Variants in AHI1 observed in about 807,000 individuals in gnomAD.
AHI1 encodes jouberin.
Under a neutral mutation model 149.3 loss-of-function variants are expected in AHI1, and 123 were observed. The ratio of observed to expected loss-of-function variants is 0.82; its 90% CI spans 0.71 to 0.96. AHI1 has a LOEUF of 0.96. Ranked by LOEUF, AHI1 falls within the 40% of genes least tolerant of loss-of-function variation. The pLI is 0.00. For synonymous variants in AHI1, 475 were observed against 459.8 expected, an observed-to-expected ratio of 1.03 and a Z score of -0.42; for missense variants, 1,439 against 1,422.7, an observed-to-expected ratio of 1.01 and a Z score of -0.18.
chr6:135,330,546 C>T (rs1788408204), intron 24 of AHI1, among the ~76,000 whole-genome samples: 1 of 152,150 alleles, frequency 6.6e-6, no homozygotes, highest in African/African-American at 2.4e-5. Flanking sequence ...CTGAGAAACC[C>T]CCAAATTTGT....
chr6:135,390,219 C>T (rs1038663200), intron 23 of AHI1, among the ~76,000 whole-genome samples: 4 of 152,042 alleles, frequency 2.6e-5, no homozygotes. Flanking sequence ...TGTACAGAGC[C>T]TGTTGTTTGG....
At chr6:135,453,725 T>C (rs976728641) in intron 10 of AHI1, among the ~76,000 whole-genome samples, 5 of 152,136 alleles carry the variant, frequency 3.3e-5, no homozygotes, top group Admixed American at 2.0e-4. Context: ...ATAATAGGCA[T>C]AGAATTCTTA....
chr6:135,478,801 C>T lies in AHI1; in HGVS notation c.136-11167G>A, dbSNP rs150999135. On this transcript the variant is annotated intron_variant, in intron 5 of 28. Transcript: ENST00000265602. ...CCACAGCAGCCCTTCCTATCACAGGCCTGGAAGCCTAGGAGGAAAAAATGG... is the reference window on the plus strand; with the variant it reads ...CCACAGCAGCCCTTCCTATCACAGGTCTGGAAGCCTAGGAGGAAAAAATGG... Among the ~76,000 whole-genome samples the T allele has an allele frequency of 3.1e-3, 476 of 152,348 alleles. 3 individuals carry two copies. Among genetic ancestry groups the T allele is most frequent in the African/African-American group, 0.011 (437 of 41,578 alleles).
intron 24 of AHI1, among the ~76,000 whole-genome samples, chr6:135,336,761 T>G (rs1230247061): frequency 6.6e-6 from 1 of 152,228 alleles, no homozygotes; most frequent in Admixed American, 6.5e-5. Context: ...ACTGTTACTA[T>G]TAATCATCTG....
intron 23 of AHI1, among the ~76,000 whole-genome samples, chr6:135,363,724 G>C (rs1388605895): frequency 6.8e-6 from 1 of 146,928 alleles, no homozygotes; most frequent in African/African-American, 2.5e-5. Flanking sequence ...GCCGGGCAGA[G>C]GCGCCCCTCA....
intron 8 of AHI1, among the ~76,000 whole-genome samples, chr6:135,462,049 C>T (rs545881319): frequency 1.3e-5 from 2 of 152,014 alleles, no homozygotes; most frequent in Non-Finnish European, 2.9e-5. Flanking sequence ...TATGAGTATA[C>T]TGCTTAGTGC....
chr6:135,430,077 T>A lies in AHI1; in HGVS notation c.2374-77A>T, dbSNP rs1784437241. 6 of 751,944 alleles carry A rather than the reference T, an allele frequency of 8.0e-6. No individual in the cohort carries two copies. In the Admixed American group the frequency reaches 1.6e-4, roughly 20 times the overall value. 46.6% of individuals were successfully genotyped at this position (751,944 alleles called of 1,614,324 possible). ...CTTTTTTGGGGGTACAAAATTAATC[T>A]TAAAATATCATTTCCAATTCCACTG... On this transcript the variant is annotated intron_variant, in intron 17 of 28. Transcript: ENST00000265602.
intron 27 of AHI1, among the ~76,000 whole-genome samples, chr6:135,296,895 C>T (rs780148519): frequency 6.6e-6 from 1 of 152,208 alleles, no homozygotes; most frequent in Admixed American, 6.5e-5. Context: ...ATGACTATTA[C>T]GTGTCTGTCT....
At chr6:135,416,223 C>T (rs1782357669) in intron 20 of AHI1, among the ~76,000 whole-genome samples, 1 of 151,922 alleles carries the variant, frequency 6.6e-6, no homozygotes, top group African/African-American at 2.4e-5. Flanking sequence ...GCAGAGTTCC[C>T]ATGAAATCCA....
intron 23 of AHI1, among the ~76,000 whole-genome samples, chr6:135,376,590 C>T (rs1775946007): frequency 6.6e-6 from 1 of 151,872 alleles, no homozygotes; most frequent in Admixed American, 6.6e-5. Context: ...TTTTATAAGA[C>T]AGTGGGTCGA....
At chr6:135,418,630 T>G (rs1056678510) in intron 20 of AHI1, among the ~76,000 whole-genome samples, 5 of 152,108 alleles carry the variant, frequency 3.3e-5, no homozygotes, top group African/African-American at 1.2e-4. Flanking sequence ...TTACAATCTA[T>G]GTACTTACAT....
At chr6:135,404,654 A>G (rs905262010) in intron 22 of AHI1, among the ~76,000 whole-genome samples, 1 of 152,242 alleles carries the variant, frequency 6.6e-6, no homozygotes, top group Non-Finnish European at 1.5e-5. Flanking sequence ...CAAATTAAAT[A>G]TCATATAAAA....
intron 14 of AHI1, among the ~76,000 whole-genome samples, chr6:135,439,332 T>G (rs558796121): frequency 3.9e-5 from 6 of 152,366 alleles, no homozygotes; most frequent in African/African-American, 1.4e-4. Context: ...GTCTCCAGCA[T>G]GTGAATTATC....
At chr6:135,340,642 T>C (rs1790156535) in intron 24 of AHI1, among the ~76,000 whole-genome samples, 1 of 62,722 alleles carries the variant, frequency 1.6e-5, no homozygotes, top group Admixed American at 1.7e-4. Context: ...AACCAGTACA[T>C]ATATATACAT....
intron 20 of AHI1, among the ~76,000 whole-genome samples, chr6:135,424,771 TA>T (rs1051164046): frequency 1.5e-4 from 22 of 151,038 alleles, no homozygotes; most frequent in African/African-American, 2.4e-4. Flanking sequence ...GTTTAGCTTA[TA>T]AAAAAAAATA....
chr6:135,313,926 G>T lies in AHI1; in HGVS notation c.3426+4593C>A, dbSNP rs565406146. ...AAAGGTTACCGTGTTGCAGAGTCAG[G>T]GACATGAGAAAAATCACAAAGAGTA... On this transcript the variant is annotated intron_variant, in intron 26 of 28. Transcript: ENST00000265602. Among the ~76,000 whole-genome samples the T allele has an allele frequency of 2.2e-4, 34 of 152,224 alleles. No individual in the cohort carries two copies. In the South Asian group the frequency reaches 7.1e-3, roughly 32 times the overall value.
Position 135,457,775 on chromosome 6 carries a change from A to G in AHI1, c.932-62T>C. The G allele has an allele frequency of 2.8e-6, 4 of 1,442,292 alleles. No homozygotes were observed. In the South Asian group the frequency reaches 3.5e-5, roughly 12 times the overall value. The allele number at this position is 1,442,292 out of a possible 1,614,324, so 89.3% of individuals were successfully genotyped here. ...GTTGTTCCCATAGTAGTATTTACAT[A>G]TAACCTAATCTTTAAGATCTGTGAT... On this transcript the variant is annotated intron_variant, in intron 8 of 28. Coordinates refer to ENST00000265602, the MANE Select transcript of AHI1 (RefSeq NM_001134831.2).
At chr6:135,374,321 C>T (rs1255090981) in intron 23 of AHI1, among the ~76,000 whole-genome samples, 1 of 151,396 alleles carries the variant, frequency 6.6e-6, no homozygotes, top group Non-Finnish European at 1.5e-5. Context: ...AGTGTGTTAG[C>T]CAGGCTGGTC....
rs560788944 is a variant in AHI1, at chr6:135,400,089, C to T, written c.2988+4862G>A. Among the ~76,000 whole-genome samples the T allele has an allele frequency of 1.5e-3, 229 of 151,894 alleles. 1 individual carries two copies. Among genetic ancestry groups the T allele is most frequent in the Non-Finnish European group, 2.5e-3 (170 of 67,972 alleles). ...AGTAGACCTCAGTGTCTGTTGTTTC[C>T]TTTTTGTGTTTGTAAGTTCTCATCT... On this transcript the variant is annotated intron_variant, in intron 22 of 28. Coordinates refer to ENST00000265602, the MANE Select transcript of AHI1 (RefSeq NM_001134831.2).
Sources: allele counts gnomAD v4.1 joint callset (sites outside exome capture counted in the v4.1 genomes callset), GRCh38; gene constraint gnomAD v4.1.1; transcripts MANE v1.5; gene names NCBI Gene and HGNC (gene_info 2026-07-23, HGNC 2026-07-21).